CYP24A1: variants seen among roughly 807,000 people sequenced by gnomAD.
CYP24A1 encodes cytochrome P450 family 24 subfamily A member 1.
Under a neutral mutation model 62.4 loss-of-function variants are expected in CYP24A1, and 68 were observed. The observed-to-expected ratio is 1.09, with a 90% CI of 0.90 to 1.33. The LOEUF (loss-of-function observed/expected upper bound fraction) is 1.33, where lower values mean the gene tolerates loss of function less well. Among genes scored for constraint, CYP24A1 ranks in the 40% most tolerant of loss-of-function variants. The probability of loss-of-function intolerance (pLI) is 0.00; values close to 1 mark genes in which losing one functional copy is unlikely to be tolerated. For synonymous variants in CYP24A1, 267 were observed against 253.0 expected, an observed-to-expected ratio of 1.06 and a Z score of -0.52; for missense variants, 787 against 653.0, an observed-to-expected ratio of 1.21 and a Z score of -2.24.
chr20:54,173,001 G>A lies in CYP24A1; in HGVS notation c.357C>T (p.Tyr119=), dbSNP rs755278180. 3.7e-6 allele frequency: 6 copies of A among 1,612,084 alleles called. No individual in the cohort carries two copies. The Admixed American group carries it at 8.3e-5, about 22-fold the overall frequency. ...LGSPCLLEAL[Y]RTESAYPQRL... The stretch of plus-strand genomic sequence containing the variant: ...GCTGCGGGTACGCGCTCTCGGTGCG[G>A]TACAGCGCTTCCAGCAGGCATGGCG... Residue 119 remains tyrosine (Y), a synonymous_variant, in exon 2 of 12, where the codon TAC becomes TAT. Coordinates refer to ENST00000216862, the MANE Select transcript of CYP24A1 (RefSeq NM_000782.5). The surrounding 1 kb of genome is among the most constrained non-coding windows in gnomAD (Gnocchi z 7.2).
rs1218962616 is a variant in CYP24A1 at position 54,153,816 on chromosome 20, CA to C, written c.*955del. ...TCATATTTTTCCTAGGAGTTCAAAT[CA>C]CAAAACAAATGTTATATAACAGATC... is the stretch of plus-strand genomic sequence containing the variant. On this transcript the variant is annotated 3_prime_UTR_variant, in exon 12 of 12. Transcript: ENST00000216862. The C allele has an allele frequency of 1.3e-5, 2 of 152,576 alleles. No individual in the cohort carries two copies. The highest frequency in any genetic ancestry group is 4.8e-5 in the African/African-American group (2 of 41,448). The allele number at this position is 152,576 out of a possible 1,614,324, so 9.5% of individuals were successfully genotyped here. A position where few individuals can be genotyped will look rare whatever the true frequency, so the allele number is the denominator to read the frequency against.
chr20:54,160,479 G>GC (rs1416017845), intron 7 of CYP24A1, among the ~76,000 whole-genome samples: 1 of 152,248 alleles, frequency 6.6e-6, no homozygotes, highest in Non-Finnish European at 1.5e-5. Context: ...ACACAAATGA[G>GC]CACCAAGTGC....
At position 54,173,253 on chromosome 20, in the gene CYP24A1, G is replaced by T; in HGVS notation, c.258+69C>A. 6.5e-7 allele frequency: 1 copy of T among 1,534,782 alleles called. No homozygotes were observed. ...ATGCGCCCGAGGCGCGCATGTCGGG[G>T]AGGGTTTGGAGCGCCACTGGGAGGG... On this transcript the variant is annotated intron_variant, in intron 1 of 11. Coordinates refer to ENST00000216862, the MANE Select transcript of CYP24A1 (RefSeq NM_000782.5). This position sits in a 1 kb window ranked among gnomAD's most constrained non-coding sequence, Gnocchi z 7.2.
At chr20:54,160,096 C>T (rs1308910852) in intron 7 of CYP24A1, among the ~76,000 whole-genome samples, 2 of 152,160 alleles carry the variant, frequency 1.3e-5, no homozygotes, top group African/African-American at 4.8e-5. Flanking sequence ...TAAAAAGTCA[C>T]CACAAAAATA....
At chr20:54,165,477 T>C (rs2092668197) in intron 5 of CYP24A1, among the ~76,000 whole-genome samples, 1 of 152,096 alleles carries the variant, frequency 6.6e-6, no homozygotes, top group South Asian at 2.1e-4. Context: ...ACTTAAATGA[T>C]CCTCCCTCCC....
chr20:54,171,809 A>G, intron 2 of CYP24A1, 139 bp from the exon 3 acceptor site: 4 of 1,542,858 alleles, frequency 2.6e-6, no homozygotes, highest in Non-Finnish European at 3.5e-6. Context: ...AGAGAATATT[A>G]GCATCAGAAT....
rs4809959 is a variant in CYP24A1, at chr20:54,169,320, A to G, written c.640+272T>C. On this transcript the variant is annotated intron_variant, in intron 4 of 11. Coordinates refer to ENST00000216862, the MANE Select transcript of CYP24A1 (RefSeq NM_000782.5). ...TAGCATATAAGCTCCCCAAGGGTAC[A>G]GGGGTTATGCGTTTCATTCATTGTC... 0.5 allele frequency among the ~76,000 whole-genome samples: 76,626 copies of G among 152,042 alleles called. 19,460 individuals are homozygous for G. Among genetic ancestry groups the G allele is most frequent in the African/African-American group, 0.52 (21,508 of 41,470 alleles).
At chr20:54,162,220 CTTTTTTTTTTTTTTTTTTTT>C (rs530338632) in intron 7 of CYP24A1, among the ~76,000 whole-genome samples, 1 of 72,532 alleles carries the variant, frequency 1.4e-5, no homozygotes. Context: ...GAGAGTATGC[CTTTTTTTTTTTTTTTTTTTT>C]TTTTTTTTTT....
At chr20:54,164,705 T>A in intron 5 of CYP24A1, 142 bp from the exon 6 acceptor site, 1 of 1,509,196 alleles carries the variant, frequency 6.6e-7, no homozygotes, top group Non-Finnish European at 8.9e-7. Flanking sequence ...CGGCTCTCTC[T>A]GCACCGGTCC....
chr20:54,145,393 G>A, the CYP24A1 span, among the ~76,000 whole-genome samples: 248 of 152,018 alleles, frequency 1.6e-3, 3 homozygotes, highest in Admixed American at 3.4e-3. Flanking sequence ...ATCCAGCTAC[G>A]TTGTTTCTCT....
At chr20:54,148,853 T>C (rs2092608405), downstream of CYP24A1, among the ~76,000 whole-genome samples, 1 of 152,222 alleles carries the variant, frequency 6.6e-6, no homozygotes, top group Non-Finnish European at 1.5e-5. Context: ...ACGACTGTAA[T>C]CTCAGCACTT....
In CYP24A1 at chr20:54,159,086, G is replaced by A. The variant is rs1259457397; in HGVS notation, c.1028C>T (p.Ser343Phe). The A allele has an allele frequency of 1.2e-6, 2 of 1,613,966 alleles. No homozygotes were observed. ...CTTTTGTTGCACTTGGGGATTACGG[G>A]ATAAATTGTAGAGAATCCACATTAG... is the stretch of plus-strand genomic sequence containing the variant. ...NSLMWILYNL[S>F]RNPQVQQKLL... The change falls in exon 8 of 12, where the codon TCC becomes TTC. Residue 343 changes from serine (S) to phenylalanine (F), a missense_variant. By Grantham distance (155) the Ser-to-Phe change is radical. Transcript: ENST00000216862.
intron 7 of CYP24A1, 140 bp downstream of exon 7, chr20:54,162,577 A>G (rs1489348320): frequency 1.7e-6 from 1 of 580,996 alleles, no homozygotes; most frequent in South Asian, 1.7e-5. Flanking sequence ...CGTGGCATCT[A>G]GTATGAGACT....
rs377572092 is a variant in CYP24A1 at position 54,157,302 on chromosome 20, C to T, written c.1435-13G>A. 3.2e-5 allele frequency: 49 copies of T among 1,546,252 alleles called. 1 individual carries two copies. The East Asian group carries it at 5.6e-4, about 18-fold the overall frequency. On this transcript the variant is annotated splice_polypyrimidine_tract_variant and intron_variant, in intron 10 of 11. Transcript: ENST00000216862. ...ATTTGCGGACAATCTGTAATGCACA[C>T]GCACACAAAAACAGAATTACCCCTC... is the stretch of plus-strand genomic sequence containing the variant.
At chr20:54,160,161 A>AG (rs2092645026) in intron 7 of CYP24A1, among the ~76,000 whole-genome samples, 1 of 152,222 alleles carries the variant, frequency 6.6e-6, no homozygotes, top group Non-Finnish European at 1.5e-5. Flanking sequence ...CCCTCATACG[A>AG]GGGTGCCAAC....
At chr20:54,157,043 C>G (rs1395040818) in intron 11 of CYP24A1, 126 bp downstream of exon 11, 8 of 675,546 alleles carry the variant, frequency 1.2e-5, no homozygotes, top group Non-Finnish European at 2.2e-5. Context: ...GGGAACTGCT[C>G]AAGGTCACCC....
intron 2 of CYP24A1, 55 bp from the exon 3 acceptor site, chr20:54,171,725 G>A: frequency 6.2e-7 from 1 of 1,613,770 alleles, no homozygotes; most frequent in Non-Finnish European, 8.5e-7. Context: ...AGAAGGAGAT[G>A]CAGAAATACT....
intron 11 of CYP24A1, among the ~76,000 whole-genome samples, chr20:54,156,715 G>C (rs559720183): frequency 6.6e-6 from 1 of 152,216 alleles, no homozygotes; most frequent in Non-Finnish European, 1.5e-5. Flanking sequence ...GCAATAGAAA[G>C]CTAGGACATC....
intron 7 of CYP24A1, among the ~76,000 whole-genome samples, chr20:54,161,763 A>C (rs2092651186): frequency 6.6e-6 from 1 of 152,186 alleles, no homozygotes; most frequent in Admixed American, 6.5e-5. Context: ...GTGAGCGAGG[A>C]TGGATTCCCA....
Sources: gnomAD v4.1 joint callset for allele counts (sites outside exome capture counted in the v4.1 genomes callset) on GRCh38, gnomAD v4.1.1 for gene constraint, Gnocchi (gnomAD v3.1) non-coding constraint, MANE v1.5 for transcripts, NCBI Gene and HGNC (gene_info 2026-07-23, HGNC 2026-07-21) for gene names.